BBX: variants seen among roughly 807,000 people sequenced by gnomAD.
BBX encodes the protein HMG box transcription factor BBX.
A neutral mutation model predicts 100.2 loss-of-function variants in BBX; 30 were observed. The ratio of observed to expected loss-of-function variants is 0.30; its 90% CI spans 0.22 to 0.41. The LOEUF (loss-of-function observed/expected upper bound fraction) is 0.41. BBX is among the 10% of genes least tolerant of loss of function. The pLI is 1.00. For missense variants in BBX, 1,023 were observed against 1,129.8 expected (o/e 0.91, Z 1.35); for synonymous variants, 376 against 388.1 (o/e 0.97, Z 0.37).
chr3:107,666,695 C>T (rs924006545), intron 3 of BBX, among the ~76,000 whole-genome samples: 21 of 152,180 alleles, frequency 1.4e-4, no homozygotes, highest in African/African-American at 5.1e-4. Flanking sequence ...CCTCAGCCTC[C>T]TGAGTAGCTG....
At chr3:107,563,153 G>A (rs140730114) in intron 2 of BBX, among the ~76,000 whole-genome samples, 3 of 152,276 alleles carry the variant, frequency 2.0e-5, no homozygotes, top group African/African-American at 7.2e-5. Context: ...GGAGGGAAGG[G>A]GTGGAGGTTG....
intron 5 of BBX, among the ~76,000 whole-genome samples, chr3:107,720,967 A>G (rs1172544596): frequency 6.6e-6 from 1 of 152,054 alleles, no homozygotes; most frequent in Non-Finnish European, 1.5e-5. Context: ...GTTATGCATC[A>G]TGCTTAACAA....
intron 3 of BBX, among the ~76,000 whole-genome samples, chr3:107,705,104 G>A (rs2061315725): frequency 1.3e-5 from 2 of 152,122 alleles, no homozygotes; most frequent in African/African-American, 4.8e-5. Context: ...TCCAATTTGT[G>A]TGGAAGTACT....
At chr3:107,763,336 T>C (rs1353572601) in intron 10 of BBX, among the ~76,000 whole-genome samples, 1 of 152,046 alleles carries the variant, frequency 6.6e-6, no homozygotes, top group Non-Finnish European at 1.5e-5. Context: ...GCCACTCTCC[T>C]GCCTCAGCCT....
intron 2 of BBX, among the ~76,000 whole-genome samples, chr3:107,635,132 C>G (rs1404462919): frequency 5.8e-5 from 8 of 138,004 alleles, no homozygotes. Context: ...ATAAAAATAA[C>G]TCAAACACTG....
chr3:107,805,872 G>A lies in BBX; in HGVS notation c.*415G>A, dbSNP rs765102916. On this transcript the variant is annotated 3_prime_UTR_variant, in exon 18 of 18. Transcript: ENST00000325805. ...AAACAAAAAAAAAACAAAAACTGAC[G>A]CACTGCACTAGTTATTATTAGATAT... The A allele has an allele frequency of 1.7e-4, 32 of 183,954 alleles. No homozygotes were observed. The highest frequency in any genetic ancestry group is 2.2e-3 in the Middle Eastern group (1 of 454). The allele number at this position is 183,954 out of a possible 1,614,324, so 11.4% of individuals were successfully genotyped here.
chr3:107,781,122 G>T (rs1404327002), intron 13 of BBX, among the ~76,000 whole-genome samples: 1 of 151,876 alleles, frequency 6.6e-6, no homozygotes, highest in African/African-American at 2.4e-5. Flanking sequence ...AAATAAATTT[G>T]TATGTATGCA....
intron 2 of BBX, among the ~76,000 whole-genome samples, chr3:107,643,455 G>T (rs1370209096): frequency 6.6e-6 from 1 of 152,066 alleles, no homozygotes; most frequent in Non-Finnish European, 1.5e-5. Flanking sequence ...CTTGAAAAGG[G>T]AAAGACAAGT....
rs551181476 is a variant in BBX, at chr3:107,640,484, C to T, written c.-83-5352C>T. Among the ~76,000 whole-genome samples the T allele has an allele frequency of 3.7e-4, 57 of 152,172 alleles. 2 individuals carry two copies. In the South Asian group the frequency reaches 9.5e-3, roughly 25 times the overall value. On this transcript the variant is annotated intron_variant, in intron 2 of 17. Coordinates refer to ENST00000325805, the MANE Select transcript of BBX (RefSeq NM_001142568.3). ...TGGTTCTTCAGGTTCCAGTTTTATT[C>T]GTCTCCTGTGTAGAGATCCCCTGGT...
In BBX at chr3:107,614,223, T is replaced by TA. The variant is rs372444365; in HGVS notation, c.-83-31612dup. Among the ~76,000 whole-genome samples, 335 of 152,286 alleles carry TA rather than the reference T, an allele frequency of 2.2e-3. 1 individual carries two copies. Among genetic ancestry groups the TA allele is most frequent in the African/African-American group, 4.8e-3 (200 of 41,572 alleles). The stretch of plus-strand genomic sequence containing the variant: ...CCTCGGCCTCCCAAAGTGCTGGGAT[T>TA]ATAGGCGTGAGCCACCGTGCCCTGC... On this transcript the variant is annotated intron_variant, in intron 2 of 17. Transcript: ENST00000325805.
rs547673706 is a variant in BBX at position 107,750,038 on chromosome 3, G to C, written c.825+1999G>C. 1.7e-4 allele frequency among the ~76,000 whole-genome samples: 26 copies of C among 152,310 alleles called. No individual in the cohort carries two copies. The South Asian group carries it at 5.2e-3, about 30-fold the overall frequency. ...TTGGTGGTGTAATAGCCACCATCCT[G>C]TGATTCTGCAGGATGAGATCCCATG... On this transcript the variant is annotated intron_variant, in intron 9 of 17. Transcript: ENST00000325805.
rs2061651481 is a variant in BBX, at chr3:107,710,536, C to T, written c.76C>T (p.Leu26Phe). 6.2e-7 allele frequency: 1 copy of T among 1,613,602 alleles called. No homozygotes were observed. Among genetic ancestry groups the T allele is most frequent in the African/African-American group, 1.3e-5 (1 of 74,832 alleles). ...TGGAAAACGACCAAAACGAAAGTGT[C>T]TTCAGTGGCATCCATTGCTAGCAAA... ...GVGKRPKRKC[L>F]QWHPLLAKKL... is the part of the protein sequence containing the mutation. The change falls in exon 4 of 18, where the codon CTT becomes TTT. Residue 26 changes from leucine (L) to phenylalanine (F), a missense_variant. Physicochemically the swap from Leu to Phe is conservative, Grantham distance 22 (BLOSUM62 0). Around this residue, in one of 9 missense-constraint regions of BBX, gnomAD observed 229 missense variants for 226.3 expected, o/e 1.01. Coordinates refer to ENST00000325805, the MANE Select transcript of BBX (RefSeq NM_001142568.3).
chr3:107,680,096 A>G (rs545787577), intron 3 of BBX, among the ~76,000 whole-genome samples: 1 of 152,154 alleles, frequency 6.6e-6, no homozygotes, highest in Admixed American at 6.6e-5. Context: ...CATAAGTGTT[A>G]CTGTGGCCAG....
intron 3 of BBX, among the ~76,000 whole-genome samples, chr3:107,698,040 TCG>T (rs1217940704): frequency 6.6e-6 from 1 of 151,878 alleles, no homozygotes; most frequent in African/African-American, 2.4e-5. Flanking sequence ...AGGCAATGCC[TCG>T]CCCTGCTTTG....
At chr3:107,693,135 C>T (rs1354497114) in intron 3 of BBX, among the ~76,000 whole-genome samples, 1 of 148,568 alleles carries the variant, frequency 6.7e-6, no homozygotes, top group Non-Finnish European at 1.5e-5. Context: ...AAATTTTCTC[C>T]CATTTTGTAG....
At chr3:107,613,287 C>T (rs1576497121) in intron 2 of BBX, among the ~76,000 whole-genome samples, 1 of 149,596 alleles carries the variant, frequency 6.7e-6, no homozygotes, top group Non-Finnish European at 1.5e-5. Context: ...CCCGGGTTCA[C>T]GCCATTCTCC....
rs1050337893 is a variant in BBX, at chr3:107,719,673, A to C, written c.405+2824A>C. On this transcript the variant is annotated intron_variant, in intron 5 of 17. Transcript: ENST00000325805. ...TTTTAAAAGACTATTCTAAGAATAC[A>C]ACCTGGGTTGCTTTCTTAAATTCAG... Among the ~76,000 whole-genome samples the C allele has an allele frequency of 5.3e-5, 8 of 152,216 alleles. No homozygotes were observed. The East Asian group carries it at 1.4e-3, about 26-fold the overall frequency.
chr3:107,643,636 G>A (rs190509378), intron 2 of BBX, among the ~76,000 whole-genome samples: 5 of 152,120 alleles, frequency 3.3e-5, no homozygotes, highest in African/African-American at 9.6e-5. Context: ...TCAAGTCACC[G>A]TTCTATAGGG....
intron 7 of BBX, among the ~76,000 whole-genome samples, chr3:107,736,362 A>G (rs553556539): frequency 1.3e-5 from 2 of 152,236 alleles, no homozygotes; most frequent in African/African-American, 2.4e-5. Flanking sequence ...GCAGGGAGCT[A>G]CAACGGAGAT....
Sources: gnomAD v4.1 joint callset for allele counts (sites outside exome capture counted in the v4.1 genomes callset) on GRCh38, gnomAD v4.1.1 for gene constraint, gnomAD v4.1.1 regional missense constraint, MANE v1.5 for transcripts, NCBI Gene and HGNC (gene_info 2026-07-23, HGNC 2026-07-21) for gene names.